The following TMEM67 variants were observed in gnomAD, a reference collection of about 807,000 sequenced individuals.
The protein encoded by TMEM67 is meckelin.
Under a neutral mutation model 136.6 loss-of-function variants are expected in TMEM67, and 124 were observed. The ratio of observed to expected loss-of-function variants is 0.91; its 90% CI spans 0.78 to 1.05. The LOEUF is 1.05. TMEM67 is among the 50% of genes least tolerant of loss of function. The probability of loss-of-function intolerance (pLI) is 0.00; values close to 1 mark genes in which losing one functional copy is unlikely to be tolerated. For missense variants in TMEM67, 1,107 were observed against 1,178.4 expected (o/e 0.94, Z 0.89); for synonymous variants, 364 against 390.5 (o/e 0.93, Z 0.80).
chr8:93,757,562 G>A (rs1812634027), intron 2 of TMEM67, among the ~76,000 whole-genome samples: 1 of 151,692 alleles, frequency 6.6e-6, no homozygotes, highest in Non-Finnish European at 1.5e-5. Flanking sequence ...TTTGAACCTG[G>A]GAGGCAGAGC....
At chr8:93,790,428 A>T (rs1447290057) in intron 14 of TMEM67, among the ~76,000 whole-genome samples, 1 of 152,182 alleles carries the variant, frequency 6.6e-6, no homozygotes, top group South Asian at 2.1e-4. Flanking sequence ...TTCCATCCCT[A>T]ATGTCTTATT....
At chr8:93,771,851 A>G (rs1813340068) in intron 6 of TMEM67, among the ~76,000 whole-genome samples, 1 of 152,212 alleles carries the variant, frequency 6.6e-6, no homozygotes, top group African/African-American at 2.4e-5. Flanking sequence ...AATATACACA[A>G]ATAGTACCTC....
intron 23 of TMEM67, among the ~76,000 whole-genome samples, chr8:93,805,714 G>A (rs1029029334): frequency 2.0e-5 from 3 of 152,074 alleles, no homozygotes; most frequent in African/African-American, 4.8e-5. Context: ...AATTCATGAG[G>A]GAAAGTTCCT....
intron 10 of TMEM67, among the ~76,000 whole-genome samples, chr8:93,782,106 G>T (rs1215814400): frequency 6.6e-6 from 1 of 152,058 alleles, no homozygotes; most frequent in Non-Finnish European, 1.5e-5. Flanking sequence ...AGTAGAGACG[G>T]GATTTCACCA....
chr8:93,827,006 T>C, the TMEM67 span, among the ~76,000 whole-genome samples: 4 of 152,050 alleles, frequency 2.6e-5, 1 homozygote, highest in South Asian at 8.3e-4. Context: ...ATTTTTTGTA[T>C]TTTTAGTAGA....
chr8:93,796,210 G>T (rs930801774), intron 18 of TMEM67, among the ~76,000 whole-genome samples: 1 of 152,002 alleles, frequency 6.6e-6, no homozygotes, highest in Non-Finnish European at 1.5e-5. Flanking sequence ...AATTTGTATG[G>T]CTTATTTGAT....
At chr8:93,807,949 G>A (rs73694967) in intron 23 of TMEM67, among the ~76,000 whole-genome samples, 2,178 of 151,876 alleles carry the variant, frequency 0.014, 60 homozygotes, top group African/African-American at 0.048. Context: ...TGGATATCTG[G>A]TTCATAACAT....
At chr8:93,830,762 C>T in the TMEM67 span, among the ~76,000 whole-genome samples, 53 of 152,370 alleles carry the variant, frequency 3.5e-4, no homozygotes, top group Admixed American at 1.0e-3. Context: ...AGCCCAGCTT[C>T]TGTAGACTCA....
intron 14 of TMEM67, among the ~76,000 whole-genome samples, chr8:93,790,519 A>G (rs1367246156): frequency 1.3e-5 from 2 of 152,170 alleles, no homozygotes; most frequent in Non-Finnish European, 2.9e-5. Context: ...AACTAAAACA[A>G]CCAACTAAAC....
chr8:93,829,824 C>T, the TMEM67 span, among the ~76,000 whole-genome samples: 2,774 of 152,166 alleles, frequency 0.018, 84 homozygotes, highest in African/African-American at 0.061. Flanking sequence ...TGTTATAATC[C>T]TGGGGGGCAT....
rs1007807232 is a variant in TMEM67 at position 93,804,750 on chromosome 8, C to A, written c.2323-12C>A. 47 of 1,481,116 alleles carry A rather than the reference C, an allele frequency of 3.2e-5. No individual in the cohort carries two copies. The highest frequency in any genetic ancestry group is 4.4e-5 in the Non-Finnish European group (47 of 1,063,046). 91.7% of individuals were successfully genotyped at this position (1,481,116 alleles called of 1,614,324 possible). A position where few individuals can be genotyped will look rare whatever the true frequency, so the allele number is the denominator to read the frequency against. ...GAGTTGCTATTTGCTTCTTTTTATT[C>A]TCTTTTTATAGATATCAGTGTTTCT... On this transcript the variant is annotated splice_polypyrimidine_tract_variant and intron_variant, in intron 22 of 27. Coordinates refer to ENST00000453321, the MANE Select transcript of TMEM67 (RefSeq NM_153704.6).
the TMEM67 span, among the ~76,000 whole-genome samples, chr8:93,828,812 G>T: frequency 6.7e-6 from 1 of 149,676 alleles, no homozygotes; most frequent in Non-Finnish European, 1.5e-5. Flanking sequence ...CCTATATGTT[G>T]TGCCATAAAA....
the TMEM67 span, among the ~76,000 whole-genome samples, chr8:93,828,634 G>C: frequency 6.6e-6 from 1 of 152,144 alleles, no homozygotes; most frequent in East Asian, 1.9e-4. Flanking sequence ...CAGCTACTCG[G>C]GGGGTGGGGC....
At chr8:93,786,120 C>A in intron 12 of TMEM67, 103 bp from the exon 13 acceptor site, 1 of 1,080,592 alleles carries the variant, frequency 9.3e-7, no homozygotes, top group Non-Finnish European at 1.4e-6. Flanking sequence ...ACGCCATTGT[C>A]AGGTGTTTCT....
downstream of TMEM67, among the ~76,000 whole-genome samples, chr8:93,819,927 A>T (rs1809016416): frequency 6.6e-6 from 1 of 152,100 alleles, no homozygotes; most frequent in African/African-American, 2.4e-5. Context: ...TTGATATACA[A>T]ACTATAGACC....
chr8:93,787,785 AATGT>A, intron 13 of TMEM67, 55 bp from the exon 14 acceptor site: 1 of 1,270,998 alleles, frequency 7.9e-7, no homozygotes, highest in Non-Finnish European at 1.2e-6. Flanking sequence ...TGGTAAGTTA[AATGT>A]ATGTTTAAAG....
At position 93,781,895 on chromosome 8, in the gene TMEM67, TTTTG is replaced by T. The variant is rs533830455; in HGVS notation, c.1065+175_1065+178del. Reference sequence around the variant, plus strand: ...GCTTTAAATTAGACTTTCTTAAGTTTTTTGTTTGTTTGTTTGTTTGTTTGTTTTT... The same window carrying T: ...GCTTTAAATTAGACTTTCTTAAGTTTTTTGTTTGTTTGTTTGTTTGTTTTT... On this transcript the variant is annotated intron_variant, in intron 10 of 27. Coordinates refer to ENST00000453321, the MANE Select transcript of TMEM67 (RefSeq NM_153704.6). 1,601 of 532,140 alleles carry T rather than the reference TTTTG, an allele frequency of 3.0e-3. 25 individuals are homozygous for T. Among genetic ancestry groups the T allele is most frequent in the African/African-American group, 0.027 (1,370 of 50,452 alleles). 33.0% of individuals were successfully genotyped at this position (532,140 alleles called of 1,614,324 possible).
chr8:93,796,108 C>A, intron 18 of TMEM67, 121 bp downstream of exon 18: 1 of 734,342 alleles, frequency 1.4e-6, no homozygotes, highest in Admixed American at 2.2e-5. Flanking sequence ...TGAAAGAAAG[C>A]ATTAATTATT....
chr8:93,821,647 C>T, downstream of TMEM67, among the ~76,000 whole-genome samples: 1 of 152,096 alleles, frequency 6.6e-6, no homozygotes, highest in East Asian at 1.9e-4. Flanking sequence ...GCCTGTAATC[C>T]CAGCACCTTG....
Sources: gnomAD v4.1 joint callset for allele counts (sites outside exome capture counted in the v4.1 genomes callset) on GRCh38, gnomAD v4.1.1 for gene constraint, MANE v1.5 for transcripts, NCBI Gene and HGNC (gene_info 2026-07-23, HGNC 2026-07-21) for gene names.